The following CSNK1G1 variants were observed in gnomAD, a reference collection of about 807,000 sequenced individuals.
The protein encoded by CSNK1G1 is casein kinase 1 gamma 1.
Under a neutral mutation model 59.6 loss-of-function variants are expected in CSNK1G1, and 22 were observed. The observed-to-expected ratio is 0.37, with a 90% CI of 0.26 to 0.53. The LOEUF is 0.53. CSNK1G1 is among the 20% of genes least tolerant of loss of function. CSNK1G1 has a pLI of 0.89. For synonymous variants in CSNK1G1, 179 were observed against 177.1 expected (o/e 1.01, Z -0.08); for missense variants, 384 against 519.5 (o/e 0.74, Z 2.54).
intron 2 of CSNK1G1, among the ~76,000 whole-genome samples, chr15:64,271,212 T>A (rs1234793067): frequency 6.6e-6 from 1 of 152,112 alleles, no homozygotes; most frequent in Non-Finnish European, 1.5e-5. Flanking sequence ...GGTCTTGAAC[T>A]CCTGAACTCA....
intron 1 of CSNK1G1, among the ~76,000 whole-genome samples, chr15:64,336,917 T>G (rs889003500): frequency 1.3e-5 from 2 of 152,108 alleles, no homozygotes; most frequent in African/African-American, 4.8e-5. Flanking sequence ...CAGAAACACA[T>G]GCTTGTTATT....
At chr15:64,193,132 A>C (rs1360533002) in intron 10 of CSNK1G1, among the ~76,000 whole-genome samples, 2 of 152,106 alleles carry the variant, frequency 1.3e-5, no homozygotes, top group African/African-American at 2.4e-5. Flanking sequence ...GTTTTATCAC[A>C]CTTCCAATAT....
In CSNK1G1 at chr15:64,194,446, G is replaced by A. The variant is rs952985024; in HGVS notation, c.1107+8636C>T. 3.4e-4 allele frequency: 51 copies of A among 150,436 alleles called. 1 individual carries two copies. Among genetic ancestry groups the A allele is most frequent in the African/African-American group, 1.1e-3 (45 of 40,842 alleles). 9.3% of individuals were successfully genotyped at this position (150,436 alleles called of 1,614,324 possible). A position where few individuals can be genotyped will look rare whatever the true frequency, so the allele number is the denominator to read the frequency against. On this transcript the variant is annotated intron_variant, in intron 10 of 11. Coordinates refer to ENST00000303052, the MANE Select transcript of CSNK1G1 (RefSeq NM_022048.5). ...TTTAGAAAAATTATGCTCATAACAA[G>A]CTGTAGTCACTAAGCATAACAGCAC...
chr15:64,173,619 C>CTTT (rs928192194), intron 11 of CSNK1G1, among the ~76,000 whole-genome samples: 109 of 108,534 alleles, frequency 1.0e-3, no homozygotes, highest in Non-Finnish European at 1.4e-3. Flanking sequence ...CTTTTCTTTT[C>CTTT]TTTTTTTTTT....
chr15:64,279,381 A>G (rs1285561594), intron 2 of CSNK1G1, among the ~76,000 whole-genome samples: 1 of 152,222 alleles, frequency 6.6e-6, no homozygotes, highest in Non-Finnish European at 1.5e-5. Context: ...GAATTATCTA[A>G]TAAGCATTCT....
At chr15:64,190,108 C>T (rs1247910662) in intron 10 of CSNK1G1, among the ~76,000 whole-genome samples, 2 of 152,118 alleles carry the variant, frequency 1.3e-5, no homozygotes, top group Non-Finnish European at 2.9e-5. Context: ...GCGTGAGCCA[C>T]CACGCCTGGC....
In CSNK1G1 at chr15:64,188,415, G is replaced by A. The variant is rs543628588; in HGVS notation, c.1108-7961C>T. ...ATGGCGGTCTGCAGCCAAGTGAGAC[G>A]TTAGGTATGAGGTATTGGTCTGCCG... On this transcript the variant is annotated intron_variant, in intron 10 of 11. Coordinates refer to ENST00000303052, the MANE Select transcript of CSNK1G1 (RefSeq NM_022048.5). The surrounding 1 kb of genome is among the most constrained non-coding windows in gnomAD (Gnocchi z 4.2). 1.4e-5 allele frequency: 21 copies of A among 1,536,126 alleles called. No individual in the cohort carries two copies. Among genetic ancestry groups the A allele is most frequent in the South Asian group, 1.3e-4 (11 of 84,066 alleles).
intron 2 of CSNK1G1, among the ~76,000 whole-genome samples, chr15:64,273,400 G>T (rs1893433064): frequency 6.6e-6 from 1 of 152,142 alleles, no homozygotes; most frequent in African/African-American, 2.4e-5. Context: ...AACATATAAA[G>T]AATAACTATT....
chr15:64,241,683 C>T (rs942193394), intron 4 of CSNK1G1, among the ~76,000 whole-genome samples: 1 of 151,628 alleles, frequency 6.6e-6, no homozygotes, highest in Admixed American at 6.6e-5. Context: ...CATGGAAATT[C>T]AACAACATGC....
rs1034353909 is a variant in CSNK1G1, at chr15:64,188,950, A to C, written c.1108-8496T>G. On this transcript the variant is annotated intron_variant, in intron 10 of 11. Transcript: ENST00000303052. This position sits in a 1 kb window ranked among gnomAD's most constrained non-coding sequence, Gnocchi z 4.2. ...AGACCAGCCTGACCAACATGGTGAA[A>C]GCCTGTCTCTACTAAAATTACAAAA... 2.6e-5 allele frequency among the ~76,000 whole-genome samples: 4 copies of C among 152,140 alleles called. No homozygotes were observed. The highest frequency in any genetic ancestry group is 6.5e-5 in the Admixed American group (1 of 15,280).
chr15:64,349,902 C>T (rs1218614238), intron 1 of CSNK1G1, among the ~76,000 whole-genome samples: 1 of 149,970 alleles, frequency 6.7e-6, no homozygotes, highest in Non-Finnish European at 1.5e-5. Context: ...CACTGAGACC[C>T]TCGTCTCCAA....
At chr15:64,186,700 A>G (rs142153355) in intron 10 of CSNK1G1, among the ~76,000 whole-genome samples, 34 of 152,182 alleles carry the variant, frequency 2.2e-4, no homozygotes, top group African/African-American at 7.9e-4. Flanking sequence ...TGTAGAGACA[A>G]TATCTTGCTA....
chr15:64,191,635 A>T (rs970769362), intron 10 of CSNK1G1, among the ~76,000 whole-genome samples: 2 of 152,222 alleles, frequency 1.3e-5, no homozygotes, highest in African/African-American at 4.8e-5. Flanking sequence ...AGGCCTAAAA[A>T]TCACATTCCA....
intron 2 of CSNK1G1, among the ~76,000 whole-genome samples, chr15:64,293,959 C>T (rs1894876553): frequency 6.6e-6 from 1 of 152,086 alleles, no homozygotes; most frequent in African/African-American, 2.4e-5. Context: ...TATTAAAATA[C>T]AAAATAATTT....
At chr15:64,197,654 G>A (rs1596078577) in intron 10 of CSNK1G1, among the ~76,000 whole-genome samples, 1 of 152,050 alleles carries the variant, frequency 6.6e-6, no homozygotes, top group South Asian at 2.1e-4. Context: ...TACATCTCAA[G>A]GGAATTCACT....
At chr15:64,344,898 C>T (rs762297212) in intron 1 of CSNK1G1, among the ~76,000 whole-genome samples, 2 of 152,124 alleles carry the variant, frequency 1.3e-5, no homozygotes, top group African/African-American at 2.4e-5. Flanking sequence ...ACAGCATTAA[C>T]CAGATGGATC....
chr15:64,272,853 T>C (rs1436215405), intron 2 of CSNK1G1, among the ~76,000 whole-genome samples: 3 of 151,994 alleles, frequency 2.0e-5, no homozygotes, highest in Non-Finnish European at 2.9e-5. Flanking sequence ...TCAAGAAATC[T>C]TGGAATGCAC....
intron 4 of CSNK1G1, among the ~76,000 whole-genome samples, chr15:64,222,365 T>C (rs2082398970): frequency 2.1e-5 from 3 of 144,876 alleles, no homozygotes; most frequent in Admixed American, 7.2e-5. Flanking sequence ...GTAACAAACC[T>C]GCACATTCTG....
At chr15:64,309,310 AC>A (rs1192510298) in intron 1 of CSNK1G1, among the ~76,000 whole-genome samples, 7 of 636 alleles carry the variant, frequency 0.011, no homozygotes, top group Non-Finnish European at 0.094. Flanking sequence ...AGTGAATAAA[AC>A]ACACACACAC....
Sources: gnomAD v4.1 joint callset for allele counts (sites outside exome capture counted in the v4.1 genomes callset) on GRCh38, gnomAD v4.1.1 for gene constraint, Gnocchi (gnomAD v3.1) non-coding constraint, MANE v1.5 for transcripts, NCBI Gene and HGNC (gene_info 2026-07-23, HGNC 2026-07-21) for gene names.